CLTCL1: variants seen among roughly 807,000 people sequenced by gnomAD.
CLTCL1 encodes the protein clathrin heavy chain 2.
CLTCL1 carries 159 observed loss-of-function variants against 190.0 expected under a neutral mutation model. The ratio of observed to expected loss-of-function variants is 0.84; its 90% CI spans 0.74 to 0.95. CLTCL1 has a LOEUF of 0.95. Ranked by LOEUF, CLTCL1 falls within the 40% of genes least tolerant of loss-of-function variation. The pLI is 0.00. For missense variants in CLTCL1, 1,878 were observed against 2,033.4 expected (o/e 0.92, Z 1.47); for synonymous variants, 752 against 769.6 (o/e 0.98, Z 0.38).
intron 2 of CLTCL1, among the ~76,000 whole-genome samples, chr22:19,273,761 A>C (rs2087402646): frequency 6.6e-6 from 1 of 152,034 alleles, no homozygotes; most frequent in Non-Finnish European, 1.5e-5. Flanking sequence ...CCAACATCCA[A>C]TCTACAGCAA....
At position 19,202,544 on chromosome 22, in the gene CLTCL1, CT is replaced by C. The variant is rs782572212; in HGVS notation, c.3601-1052del. On this transcript the variant is annotated intron_variant, in intron 22 of 32. Transcript: ENST00000427926. ...GGCACCTCCCCCACCACCCCTCCTTCTGTCATCCATGGCACCTCCCCTCCTT... is the reference window on the plus strand; with the variant it reads ...GGCACCTCCCCCACCACCCCTCCTTCGTCATCCATGGCACCTCCCCTCCTT... Among the ~76,000 whole-genome samples the C allele has an allele frequency of 6.0e-4, 73 of 121,548 alleles. 3 individuals carry two copies. Among genetic ancestry groups the C allele is most frequent in the East Asian group, 5.4e-3 (17 of 3,148 alleles). 79.7% of individuals were successfully genotyped at this position (121,548 alleles called of 152,430 possible).
At chr22:19,252,111 T>C (rs901596067) in intron 3 of CLTCL1, among the ~76,000 whole-genome samples, 1 of 152,248 alleles carries the variant, frequency 6.6e-6, no homozygotes. Flanking sequence ...TTCTCATACA[T>C]GTCTCTATTC....
chr22:19,261,402 G>T (rs918616958), intron 2 of CLTCL1, among the ~76,000 whole-genome samples: 1 of 152,146 alleles, frequency 6.6e-6, no homozygotes, highest in Non-Finnish European at 1.5e-5. Context: ...AAGCCACCGT[G>T]CCCAGCCTAA....
At chr22:19,207,915 TA>T (rs2085101386) in intron 22 of CLTCL1, 1 of 669,782 alleles carries the variant, frequency 1.5e-6, no homozygotes, top group Non-Finnish European at 2.7e-6. Context: ...GAGTCTACAT[TA>T]TGGTGAGTTG....
At chr22:19,281,294 CA>C (rs361827) in intron 1 of CLTCL1, among the ~76,000 whole-genome samples, 95,391 of 116,474 alleles carry the variant, frequency 0.82, 37,982 homozygotes, top group East Asian at 0.9. Context: ...GACCCTGTCT[CA>C]AAAAAAAAAA....
intron 2 of CLTCL1, among the ~76,000 whole-genome samples, chr22:19,260,964 T>G (rs1260381523): frequency 6.6e-6 from 1 of 151,476 alleles, no homozygotes; most frequent in Non-Finnish European, 1.5e-5. Flanking sequence ...AAAAGATTAC[T>G]GCTCTTTGAC....
At chr22:19,184,903 C>T (rs1305548638) in intron 29 of CLTCL1, 7 of 251,650 alleles carry the variant, frequency 2.8e-5, no homozygotes, top group Non-Finnish European at 4.7e-5. Flanking sequence ...ATCCTGGTCC[C>T]CATCCCTGTG....
At chr22:19,284,083 T>G (rs2087818215) in intron 1 of CLTCL1, among the ~76,000 whole-genome samples, 1 of 152,074 alleles carries the variant, frequency 6.6e-6, no homozygotes, top group Non-Finnish European at 1.5e-5. Context: ...TATAAGGGGC[T>G]TAAGGAAGAT....
At position 19,183,361 on chromosome 22, in the gene CLTCL1, C is replaced by T. The variant is rs782709145; in HGVS notation, c.4827+29G>A. On this transcript the variant is annotated intron_variant, in intron 30 of 32. Transcript: ENST00000427926. Reference sequence around the variant, plus strand: ...GGGTTGGGTCATGCCACACAGGGGCCGGGGAGCTGCAGCCGGCCCGGCACC... The same window carrying T: ...GGGTTGGGTCATGCCACACAGGGGCTGGGGAGCTGCAGCCGGCCCGGCACC... The T allele has an allele frequency of 2.5e-5, 40 of 1,594,360 alleles. No individual in the cohort carries two copies. The Admixed American group carries it at 4.6e-4, about 18-fold the overall frequency.
At chr22:19,199,197 G>T (rs1380566166) in intron 24 of CLTCL1, among the ~76,000 whole-genome samples, 1 of 152,168 alleles carries the variant, frequency 6.6e-6, no homozygotes, top group African/African-American at 2.4e-5. Context: ...ACAGGTGGAA[G>T]CCCAGGTCCC....
intron 22 of CLTCL1, among the ~76,000 whole-genome samples, chr22:19,204,880 C>T (rs957752992): frequency 6.6e-6 from 1 of 152,102 alleles, no homozygotes; most frequent in Admixed American, 6.5e-5. Context: ...AGGCCTGGGG[C>T]CACTATGAAC....
intron 2 of CLTCL1, among the ~76,000 whole-genome samples, chr22:19,260,953 C>G (rs1235275826): frequency 3.3e-5 from 5 of 151,006 alleles, no homozygotes; most frequent in African/African-American, 1.2e-4. Flanking sequence ...AGGTTCCTTT[C>G]AAAAGATTAC....
At chr22:19,271,543 A>G (rs1294889194) in intron 2 of CLTCL1, among the ~76,000 whole-genome samples, 3 of 152,152 alleles carry the variant, frequency 2.0e-5, no homozygotes, top group Non-Finnish European at 4.4e-5. Context: ...ACCTTCTGCC[A>G]TGATTATAAG....
chr22:19,273,618 C>T (rs990643896), intron 2 of CLTCL1, among the ~76,000 whole-genome samples: 1 of 151,988 alleles, frequency 6.6e-6, no homozygotes, highest in Non-Finnish European at 1.5e-5. Flanking sequence ...AATACCAACA[C>T]GCCTCTCTTT....
rs1024203805 is a variant in CLTCL1 at position 19,245,188 on chromosome 22, T to G, written c.520-2252A>C. On this transcript the variant is annotated intron_variant, in intron 3 of 32. Transcript: ENST00000427926. ...CCCCATGTTCCCCTCTCCCCCTCCT[T>G]TTTTTTTTTTTTTTTTTTTTTGAGA... is the stretch of plus-strand genomic sequence containing the variant. 2.1e-4 allele frequency among the ~76,000 whole-genome samples: 29 copies of G among 135,412 alleles called. No individual in the cohort carries two copies. The South Asian group carries it at 6.8e-3, about 32-fold the overall frequency. The allele number at this position is 135,412 out of a possible 152,430, so 88.8% of individuals were successfully genotyped here.
chr22:19,261,379 G>T lies in CLTCL1; in HGVS notation c.251-7152C>A, dbSNP rs782281327. ...CCCGCCTCAGCCTCCCACAGTGCTGGGATTACAGGCGGAAGCCACCGTGCC... is the reference window on the plus strand; with the variant it reads ...CCCGCCTCAGCCTCCCACAGTGCTGTGATTACAGGCGGAAGCCACCGTGCC... On this transcript the variant is annotated intron_variant, in intron 2 of 32. Transcript: ENST00000427926. Among the ~76,000 whole-genome samples the T allele has an allele frequency of 7.2e-4, 109 of 152,222 alleles. 1 individual carries two copies. The highest frequency in any genetic ancestry group is 3.4e-3 in the Middle Eastern group (1 of 294).
chr22:19,230,779 G>C (rs1452957446), intron 10 of CLTCL1, among the ~76,000 whole-genome samples: 1 of 152,076 alleles, frequency 6.6e-6, no homozygotes, highest in Non-Finnish European at 1.5e-5. Flanking sequence ...CTGGATTAAG[G>C]AACACATAGA....
At chr22:19,275,857 A>C in intron 1 of CLTCL1, 27 bp from the exon 2 acceptor site, 1 of 1,555,552 alleles carries the variant, frequency 6.4e-7, no homozygotes, top group Non-Finnish European at 8.7e-7. Context: ...CATTTGATTA[A>C]ATTTTTTTCC....
At chr22:19,184,398 C>T (rs2084241743) in intron 29 of CLTCL1, 1 of 449,238 alleles carries the variant, frequency 2.2e-6, no homozygotes, top group South Asian at 1.6e-5. Flanking sequence ...GCACACACCT[C>T]TGAGTTCCGT....
Sources: gnomAD v4.1 joint callset for allele counts (sites outside exome capture counted in the v4.1 genomes callset) on GRCh38, gnomAD v4.1.1 for gene constraint, MANE v1.5 for transcripts, NCBI Gene and HGNC (gene_info 2026-07-23, HGNC 2026-07-21) for gene names.